Variants in C19orf47 observed in about 807,000 individuals in gnomAD.
The protein encoded by C19orf47 is uncharacterized protein C19orf47.
C19orf47 carries 18 observed loss-of-function variants against 32.3 expected under a neutral mutation model. The ratio of observed to expected loss-of-function variants is 0.56; its 90% CI spans 0.39 to 0.83. The LOEUF (loss-of-function observed/expected upper bound fraction) is 0.83. Among genes scored for constraint, C19orf47 ranks in the 40% least tolerant of loss-of-function variants. The pLI, the probability that C19orf47 is intolerant of heterozygous loss-of-function variation, is 0.00. For missense variants in C19orf47, 484 were observed against 531.6 expected (o/e 0.91, Z 0.88); for synonymous variants, 202 against 211.1 (o/e 0.96, Z 0.37).
Position 40,321,283 on chromosome 19 carries a change from C to CCGA in C19orf47, c.*596_*598dup. On this transcript the variant is annotated 3_prime_UTR_variant, in exon 9 of 9. Transcript: ENST00000683109. The stretch of plus-strand genomic sequence containing the variant: ...AGTCTCAACAGGCTCGACGCCACCG[C>CCGA]CGACGAGGGGGCCGCTGGGAGGCCG... The CCGA allele has an allele frequency of 1.0e-6, 1 of 986,582 alleles. No individual in the cohort carries two copies. Among genetic ancestry groups the CCGA allele is most frequent in the Non-Finnish European group, 1.2e-6 (1 of 830,212 alleles). 61.1% of individuals were successfully genotyped at this position (986,582 alleles called of 1,614,324 possible).
intron 8 of C19orf47, 77 bp from the exon 9 acceptor site, chr19:40,322,453 C>G: frequency 7.0e-7 from 1 of 1,436,810 alleles, no homozygotes; most frequent in Non-Finnish European, 9.2e-7. Context: ...TTCCTCTGTG[C>G]CTGGCCTCCT....
chr19:40,338,155 G>A (rs180696677), intron 2 of C19orf47, among the ~76,000 whole-genome samples: 40 of 149,770 alleles, frequency 2.7e-4, no homozygotes, highest in African/African-American at 8.4e-4. Flanking sequence ...GCTCACTGCC[G>A]TCTCAACCTC....
the C19orf47 span, among the ~76,000 whole-genome samples, chr19:40,297,413 A>G: frequency 6.6e-6 from 1 of 152,048 alleles, no homozygotes; most frequent in South Asian, 2.1e-4. Context: ...TAAAAATACA[A>G]AAAAGTTAGC....
the C19orf47 span, among the ~76,000 whole-genome samples, chr19:40,294,930 C>T: frequency 6.6e-6 from 1 of 152,250 alleles, no homozygotes; most frequent in African/African-American, 2.4e-5. Flanking sequence ...GTAGTGCTTG[C>T]CCGGTGTCAC....
At chr19:40,340,421 G>A (rs537034508) in intron 2 of C19orf47, among the ~76,000 whole-genome samples, 322 of 150,362 alleles carry the variant, frequency 2.1e-3, no homozygotes, top group African/African-American at 6.9e-3. Context: ...GGTGGCTCAC[G>A]TCTGTAATCC....
intron 4 of C19orf47, among the ~76,000 whole-genome samples, chr19:40,335,073 G>A (rs931211873): frequency 6.7e-6 from 1 of 149,320 alleles, no homozygotes; most frequent in Non-Finnish European, 1.5e-5. Flanking sequence ...AGGGAGGGAG[G>A]GAGACAGTGC....
At chr19:40,331,600 T>C (rs2145564638) in intron 5 of C19orf47, among the ~76,000 whole-genome samples, 1 of 149,172 alleles carries the variant, frequency 6.7e-6, no homozygotes, top group African/African-American at 2.4e-5. Flanking sequence ...ACTGCACCAC[T>C]ACACTCCAGC....
chr19:40,328,062 G>A (rs1425846363), intron 6 of C19orf47, among the ~76,000 whole-genome samples: 1 of 152,132 alleles, frequency 6.6e-6, no homozygotes, highest in African/African-American at 2.4e-5. Context: ...TATGACCCCA[G>A]GCATCAAGCA....
rs757537235 is a variant in C19orf47 at position 40,323,993 on chromosome 19, C to T, written c.663+13G>A. On this transcript the variant is annotated intron_variant, in intron 8 of 8. Transcript: ENST00000683109. ...GCTCGCACGCCCAGAATCGCTCCCCCATCCCCACTCACTTTACTCCCTGTC... is the reference window on the plus strand; with the variant it reads ...GCTCGCACGCCCAGAATCGCTCCCCTATCCCCACTCACTTTACTCCCTGTC... The T allele has an allele frequency of 7.4e-6, 12 of 1,614,224 alleles. 1 individual carries two copies. Among genetic ancestry groups the T allele is most frequent in the East Asian group, 4.5e-5 (2 of 44,890 alleles).
rs888248123 is a variant in C19orf47 at position 40,342,034 on chromosome 19, G to T, written c.-33-144C>A. The T allele has an allele frequency of 8.2e-6, 12 of 1,471,434 alleles. No individual in the cohort carries two copies. The African/African-American group carries it at 1.4e-4, about 17-fold the overall frequency. The allele number at this position is 1,471,434 out of a possible 1,614,324, so 91.1% of individuals were successfully genotyped here. ...CAGGAATAGCCTGGAGCAGCTGGCA[G>T]GAAGTCAGCCTGGGACAGAGCTGCC... On this transcript the variant is annotated intron_variant, in intron 1 of 8. Coordinates refer to ENST00000683109, the MANE Select transcript of C19orf47 (RefSeq NM_001256441.2).
chr19:40,319,000 A>G (rs4499338), downstream of C19orf47, among the ~76,000 whole-genome samples: 110,113 of 152,084 alleles, frequency 0.72, 40,037 homozygotes, highest in African/African-American at 0.79. Flanking sequence ...GTCCAGGCGC[A>G]GTGGCTCACA....
upstream of C19orf47, chr19:40,348,448 G>A: frequency 1.3e-6 from 2 of 1,501,538 alleles, no homozygotes; most frequent in Non-Finnish European, 1.8e-6. Flanking sequence ...GCCGGAAGCT[G>A]AACTGACTCG....
the C19orf47 span, among the ~76,000 whole-genome samples, chr19:40,299,791 C>T: frequency 7.2e-5 from 11 of 152,038 alleles, no homozygotes; most frequent in Non-Finnish European, 1.5e-4. Context: ...TTTGGGAGGC[C>T]GAGGCAGGTG....
chr19:40,346,773 G>A (rs62107631), intron 1 of C19orf47, among the ~76,000 whole-genome samples: 24,102 of 151,820 alleles, frequency 0.16, 2,043 homozygotes, highest in African/African-American at 0.18. Context: ...TGATCCGCCC[G>A]TCTCGGCCTC....
chr19:40,343,795 ATTTT>A (rs57699777), intron 1 of C19orf47: 2 of 135,920 alleles, frequency 1.5e-5, no homozygotes, highest in Non-Finnish European at 1.6e-5. Flanking sequence ...CTTCTGCTCA[ATTTT>A]TTTTTTTTTT....
At chr19:40,313,981 A>G in the C19orf47 span, among the ~76,000 whole-genome samples, 61,799 of 151,884 alleles carry the variant, frequency 0.41, 13,579 homozygotes, top group South Asian at 0.61. Flanking sequence ...GTAGCAGCCA[A>G]GCACATCTCA....
chr19:40,324,028 G>T lies in C19orf47; in HGVS notation c.641C>A (p.Ala214Glu). 6.2e-7 allele frequency: 1 copy of T among 1,614,244 alleles called. No homozygotes were observed. The highest frequency in any genetic ancestry group is 1.3e-5 in the African/African-American group (1 of 75,070). Reference sequence around the variant, plus strand: ...CACTTTACTCCCTGTCGTGGTGTCTGCCTTGGTCTCGGCGCCGAGGCGGTC... The same window carrying T: ...CACTTTACTCCCTGTCGTGGTGTCTTCCTTGGTCTCGGCGCCGAGGCGGTC... ...VFDRLGAETK[A>E]DTTTGSKPTG... The change falls in exon 8 of 9, where the codon GCA becomes GAA. Residue 214 changes from alanine to glutamate, a missense_variant. This residue lies in a region of C19orf47 where 376 missense variants were observed against 370.2 expected (regional missense o/e 1.02). Coordinates refer to ENST00000683109, the MANE Select transcript of C19orf47 (RefSeq NM_001256441.2).
rs1417677564 is a variant in C19orf47 at position 40,345,803 on chromosome 19, T to G, written c.-34+2521A>C. Among the ~76,000 whole-genome samples the G allele has an allele frequency of 2.2e-5, 3 of 135,028 alleles. No homozygotes were observed. In the East Asian group the frequency reaches 6.6e-4, roughly 30 times the overall value. The allele number at this position is 135,028 out of a possible 152,430, so 88.6% of individuals were successfully genotyped here. A position where few individuals can be genotyped will look rare whatever the true frequency, so the allele number is the denominator to read the frequency against. On this transcript the variant is annotated intron_variant, in intron 1 of 8. Coordinates refer to ENST00000683109, the MANE Select transcript of C19orf47 (RefSeq NM_001256441.2). ...GGGAGAGGTTGCAGTGAGCCAAGAT[T>G]ACGCCACTTCACTCCAGCCTGGGCA... is the stretch of plus-strand genomic sequence containing the variant.
chr19:40,342,005 C>T lies in C19orf47; in HGVS notation c.-33-115G>A, dbSNP rs763042186. ...GAATGTTCCTGGGCTAGGGGCTCAC[C>T]GCCCAGGAATAGCCTGGAGCAGCTG... On this transcript the variant is annotated intron_variant, in intron 1 of 8. Transcript: ENST00000683109. 1.1e-4 allele frequency: 163 copies of T among 1,510,400 alleles called. No homozygotes were observed. In the Middle Eastern group the frequency reaches 4.4e-3, roughly 41 times the overall value. The allele number at this position is 1,510,400 out of a possible 1,614,324, so 93.6% of individuals were successfully genotyped here.
Sources: gnomAD v4.1 joint callset for allele counts (sites outside exome capture counted in the v4.1 genomes callset) on GRCh38, gnomAD v4.1.1 for gene constraint, gnomAD v4.1.1 regional missense constraint, MANE v1.5 for transcripts, NCBI Gene and HGNC (gene_info 2026-07-23, HGNC 2026-07-21) for gene names.